Variants in MGAT4C observed in about 807,000 individuals in gnomAD.
The protein encoded by MGAT4C is MGAT4 family member C.
A neutral mutation model predicts 40.1 loss-of-function variants in MGAT4C; 19 were observed. The observed-to-expected ratio is 0.47, with a 90% confidence interval of 0.33 to 0.70. The LOEUF (loss-of-function observed/expected upper bound fraction) is 0.70. Ranked by LOEUF, MGAT4C falls within the 30% of genes least tolerant of loss-of-function variation. The probability of loss-of-function intolerance (pLI) is 0.02; values close to 1 mark genes in which losing one functional copy is unlikely to be tolerated. For missense variants in MGAT4C, 491 were observed against 563.2 expected (o/e 0.87, Z 1.30); for synonymous variants, 181 against 187.1 (o/e 0.97, Z 0.27).
intron 2 of MGAT4C, among the ~76,000 whole-genome samples, chr12:86,648,888 G>C (rs1358876321): frequency 1.3e-5 from 2 of 151,774 alleles, no homozygotes. Context: ...CTAATTTCTT[G>C]TGTTTTAAAA....
At chr12:86,073,813 T>C (rs952378331) in intron 1 of MGAT4C, among the ~76,000 whole-genome samples, 3 of 152,220 alleles carry the variant, frequency 2.0e-5, no homozygotes, top group Non-Finnish European at 4.4e-5. Context: ...AATTGCCTTG[T>C]CTCAGATAAG....
In MGAT4C at chr12:86,343,054, T is replaced by A. The variant is rs556454807; in HGVS notation, c.-119-8927A>T. On this transcript the variant is annotated intron_variant, in intron 3 of 7. Transcript: ENST00000548651. ...GAAAGCTCAGGGCTGTTTTGGAAGT[T>A]TGTGGTCACTAACGACTCAGGATTC... 5.3e-5 allele frequency among the ~76,000 whole-genome samples: 8 copies of A among 152,256 alleles called. No individual in the cohort carries two copies. In the East Asian group the frequency reaches 1.5e-3, roughly 29 times the overall value.
intron 2 of MGAT4C, among the ~76,000 whole-genome samples, chr12:86,676,678 A>C (rs753796267): frequency 5.9e-5 from 9 of 152,104 alleles, no homozygotes; most frequent in Non-Finnish European, 1.3e-4. Context: ...CTCTAATGCC[A>C]GGAGTTAGGA....
intron 2 of MGAT4C, among the ~76,000 whole-genome samples, chr12:86,638,434 G>A (rs1313149832): frequency 1.3e-5 from 2 of 151,788 alleles, no homozygotes; most frequent in East Asian, 1.9e-4. Context: ...CTATATGGTA[G>A]TATTTGGAAA....
At chr12:86,835,540 C>T (rs770626179) in intron 1 of MGAT4C, among the ~76,000 whole-genome samples, 3 of 151,756 alleles carry the variant, frequency 2.0e-5, no homozygotes, top group Non-Finnish European at 4.4e-5. Context: ...GCAAAGGGCA[C>T]GGTATAATGA....
chr12:86,360,892 G>A (rs972614391), intron 3 of MGAT4C, among the ~76,000 whole-genome samples: 2 of 152,228 alleles, frequency 1.3e-5, no homozygotes, highest in South Asian at 2.1e-4. Context: ...AATCAATATC[G>A]TGAAAATGGT....
rs370474959 is a variant in MGAT4C at position 86,173,910 on chromosome 12, T to C, written c.-57+82329A>G. On this transcript the variant is annotated intron_variant, in intron 1 of 4. Coordinates refer to ENST00000611864, the MANE Select transcript of MGAT4C (RefSeq NM_001351288.2). ...TTTCCTTCTTTCTCTCTTTTTTATG[T>C]CCAAGCTTGCTTGTCCTGTGATATC... Among the ~76,000 whole-genome samples, 3 of 152,066 alleles carry C rather than the reference T, an allele frequency of 2.0e-5. No individual in the cohort carries two copies. In the East Asian group the frequency reaches 5.8e-4, roughly 29 times the overall value.
intron 1 of MGAT4C, among the ~76,000 whole-genome samples, chr12:86,192,655 G>A (rs948994639): frequency 6.6e-6 from 1 of 152,130 alleles, no homozygotes; most frequent in African/African-American, 2.4e-5. Flanking sequence ...CTCATACAGA[G>A]AAATTTGAGG....
chr12:86,619,731 T>C (rs1962578376), intron 2 of MGAT4C, among the ~76,000 whole-genome samples: 1 of 152,084 alleles, frequency 6.6e-6, no homozygotes, highest in Non-Finnish European at 1.5e-5. Context: ...ATTTCATCTG[T>C]TAAAAAATAC....
At chr12:86,639,612 T>G (rs1320480371) in intron 2 of MGAT4C, among the ~76,000 whole-genome samples, 1 of 151,736 alleles carries the variant, frequency 6.6e-6, no homozygotes, top group South Asian at 2.1e-4. Context: ...TTGCCAAGAA[T>G]AGTTTATGCC....
chr12:86,017,021 T>C (rs1337787827), intron 2 of MGAT4C, among the ~76,000 whole-genome samples: 2 of 152,172 alleles, frequency 1.3e-5, no homozygotes, highest in Non-Finnish European at 2.9e-5. Flanking sequence ...TACCATTGAG[T>C]TCATATCTGT....
At chr12:86,088,269 T>C (rs1341928546) in intron 1 of MGAT4C, among the ~76,000 whole-genome samples, 1 of 151,672 alleles carries the variant, frequency 6.6e-6, no homozygotes, top group Non-Finnish European at 1.5e-5. Flanking sequence ...CTATAAAAAC[T>C]CTGGACAATA....
intron 2 of MGAT4C, among the ~76,000 whole-genome samples, chr12:86,519,552 C>T (rs1006747421): frequency 3.9e-5 from 6 of 152,144 alleles, no homozygotes; most frequent in Non-Finnish European, 8.8e-5. Flanking sequence ...TCTCTACATC[C>T]TTCCCAGCAT....
intron 2 of MGAT4C, among the ~76,000 whole-genome samples, chr12:86,555,167 T>C (rs1449172148): frequency 6.6e-6 from 1 of 151,856 alleles, no homozygotes; most frequent in Non-Finnish European, 1.5e-5. Context: ...AATTTTATGA[T>C]CTCTGCAAAG....
chr12:86,052,978 G>A (rs1158119323), intron 1 of MGAT4C, among the ~76,000 whole-genome samples: 1 of 151,916 alleles, frequency 6.6e-6, no homozygotes, highest in African/African-American at 2.4e-5. Context: ...GTACTAGGAG[G>A]CAAAGTGTTC....
intron 2 of MGAT4C, among the ~76,000 whole-genome samples, chr12:86,627,179 C>T (rs1053731865): frequency 9.9e-5 from 15 of 152,018 alleles, no homozygotes; most frequent in African/African-American, 3.1e-4. Flanking sequence ...GGGGCATCCA[C>T]CATTGCTGAG....
intron 1 of MGAT4C, among the ~76,000 whole-genome samples, chr12:86,072,026 TTGTGTGTGTGTGTGTGTGTGTG>T (rs71076158): frequency 6.7e-6 from 1 of 148,958 alleles, no homozygotes; most frequent in Non-Finnish European, 1.5e-5. Context: ...GCATAGGGTT[TTGTGTGTGTGTGTGTGTGTGTG>T]TGTGTGTGTG....
chr12:86,500,222 TATC>T (rs1958316046), intron 2 of MGAT4C, among the ~76,000 whole-genome samples: 1 of 151,762 alleles, frequency 6.6e-6, no homozygotes, highest in African/African-American at 2.4e-5. Flanking sequence ...CACACACACA[TATC>T]ATATATTAAA....
At chr12:86,086,215 A>G (rs1871812332) in intron 1 of MGAT4C, among the ~76,000 whole-genome samples, 1 of 152,158 alleles carries the variant, frequency 6.6e-6, no homozygotes, top group African/African-American at 2.4e-5. Flanking sequence ...CAGCCATAAA[A>G]AGAATGAGTT....
Sources: gnomAD v4.1 joint callset for allele counts (sites outside exome capture counted in the v4.1 genomes callset) on GRCh38, gnomAD v4.1.1 for gene constraint, MANE v1.5 for transcripts, NCBI Gene and HGNC (gene_info 2026-07-23, HGNC 2026-07-21) for gene names.